SH3BP4: variants seen among roughly 807,000 people sequenced by gnomAD.
SH3BP4 encodes SH3 domain-binding protein 4.
SH3BP4 carries 33 observed loss-of-function variants against 65.5 expected under a neutral mutation model. The observed-to-expected ratio is 0.50, with a 90% CI of 0.38 to 0.67. The LOEUF is 0.67. SH3BP4 is among the 30% of genes least tolerant of loss of function. The pLI is 0.00. For synonymous variants in SH3BP4, 552 were observed against 545.5 expected, an observed-to-expected ratio of 1.01 and a Z score of -0.17; for missense variants, 1,134 against 1,261.4, an observed-to-expected ratio of 0.90 and a Z score of 1.53.
rs1053215174 is a variant in SH3BP4 at position 235,052,311 on chromosome 2, C to T, written c.2479-251C>T. On this transcript the variant is annotated intron_variant, in intron 4 of 5. Coordinates refer to ENST00000392011, the MANE Select transcript of SH3BP4 (RefSeq NM_014521.3). This position sits in a 1 kb window ranked among gnomAD's most constrained non-coding sequence, Gnocchi z 5.0. ...AAGACCCCATTTTCAAGTAAGGTCA[C>T]GTTCTGAGGTTCTGGGTGGATGTGG... Among the ~76,000 whole-genome samples the T allele has an allele frequency of 8.5e-5, 13 of 152,140 alleles. No homozygotes were observed. Among genetic ancestry groups the T allele is most frequent in the African/African-American group, 2.2e-4 (9 of 41,428 alleles).
At chr2:234,986,946 G>A (rs992526033) in intron 1 of SH3BP4, among the ~76,000 whole-genome samples, 5 of 151,696 alleles carry the variant, frequency 3.3e-5, no homozygotes, top group Non-Finnish European at 7.4e-5. Flanking sequence ...CTAATTTTTT[G>A]TATTTAGTAG....
At position 235,018,506 on chromosome 2, in the gene SH3BP4, T is replaced by C. The variant is rs1393800455; in HGVS notation, c.-132-16365T>C. Among the ~76,000 whole-genome samples, 8 of 152,172 alleles carry C rather than the reference T, an allele frequency of 5.3e-5. 1 individual carries two copies. Among genetic ancestry groups the C allele is most frequent in the Non-Finnish European group, 1.2e-4 (8 of 68,032 alleles). On this transcript the variant is annotated intron_variant, in intron 2 of 5. Coordinates refer to ENST00000392011, the MANE Select transcript of SH3BP4 (RefSeq NM_014521.3). ...GGCATAAGCTTGCCTTCAGGGAGGCTTTATTGAATAGGTAAATCATTCTTC... is the reference window on the plus strand; with the variant it reads ...GGCATAAGCTTGCCTTCAGGGAGGCCTTATTGAATAGGTAAATCATTCTTC...
intron 2 of SH3BP4, among the ~76,000 whole-genome samples, chr2:234,998,283 A>G (rs1224690684): frequency 2.6e-5 from 4 of 152,252 alleles, no homozygotes; most frequent in East Asian, 3.9e-4. Context: ...AGACTGGCCA[A>G]TGGGAATAAA....
intron 1 of SH3BP4, among the ~76,000 whole-genome samples, chr2:234,966,348 AAC>A (rs1379922328): frequency 6.6e-6 from 1 of 152,208 alleles, no homozygotes; most frequent in Non-Finnish European, 1.5e-5. Flanking sequence ...CAGCCTGGGC[AAC>A]CAGAGCGAAA....
intron 1 of SH3BP4, among the ~76,000 whole-genome samples, chr2:234,959,472 G>A (rs190562982): frequency 2.0e-5 from 3 of 152,044 alleles, no homozygotes; most frequent in African/African-American, 7.2e-5. Context: ...TGACATCTTG[G>A]CAGTAAAACT....
chr2:234,977,984 T>C lies in SH3BP4; in HGVS notation c.-206-17319T>C, dbSNP rs564570959. On this transcript the variant is annotated intron_variant, in intron 1 of 5. Transcript: ENST00000392011. This position sits in a 1 kb window ranked among gnomAD's most constrained non-coding sequence, Gnocchi z 5.1. ...TTTTTACTTTTTTTGAGACAGAGTTTGGCTCTTGTTGGCCAGGCTGGAGTG... is the reference window on the plus strand; with the variant it reads ...TTTTTACTTTTTTTGAGACAGAGTTCGGCTCTTGTTGGCCAGGCTGGAGTG... Among the ~76,000 whole-genome samples the C allele has an allele frequency of 6.6e-6, 1 of 152,190 alleles. No individual in the cohort carries two copies. The highest frequency in any genetic ancestry group is 1.5e-5 in the Non-Finnish European group (1 of 68,034).
chr2:234,968,142 A>C (rs920046480), intron 1 of SH3BP4, among the ~76,000 whole-genome samples: 1 of 152,032 alleles, frequency 6.6e-6, no homozygotes, highest in African/African-American at 2.4e-5. Context: ...CGGTGGTAGC[A>C]ATGATAATAG....
chr2:234,971,279 TC>T (rs1406425831), intron 1 of SH3BP4, among the ~76,000 whole-genome samples: 1 of 152,246 alleles, frequency 6.6e-6, no homozygotes, highest in African/African-American at 2.4e-5. Context: ...TTGGCATATT[TC>T]ACTTAGCATA....
intron 2 of SH3BP4, among the ~76,000 whole-genome samples, chr2:235,006,285 C>A (rs554340571): frequency 1.3e-5 from 2 of 152,152 alleles, no homozygotes; most frequent in Admixed American, 6.5e-5. Flanking sequence ...TTGGGCTGAG[C>A]GTGAGTGTGT....
At chr2:235,048,657 C>G (rs1298665466) in intron 4 of SH3BP4, among the ~76,000 whole-genome samples, 1 of 152,228 alleles carries the variant, frequency 6.6e-6, no homozygotes, top group East Asian at 1.9e-4. Context: ...TCTCTTGAAG[C>G]AAGTTCCCAG....
chr2:234,952,289 C>T lies in SH3BP4; in HGVS notation c.-207+119C>T, dbSNP rs908240174. On this transcript the variant is annotated intron_variant, in intron 1 of 5. Transcript: ENST00000392011. This position sits in a 1 kb window ranked among gnomAD's most constrained non-coding sequence, Gnocchi z 6.5. ...CGGGCGCAGATCGTGCCGCGGGCGC[C>T]GATCGTGCCACCGCCGCCTGAGTTC... The T allele has an allele frequency of 6.2e-3, 938 of 150,374 alleles. 7 individuals are homozygous for T. Among genetic ancestry groups the T allele is most frequent in the Non-Finnish European group, 9.6e-3 (647 of 67,314 alleles). The allele number at this position is 150,374 out of a possible 1,614,324, so 9.3% of individuals were successfully genotyped here.
chr2:234,988,153 G>A (rs1354818106), intron 1 of SH3BP4, among the ~76,000 whole-genome samples: 3 of 152,188 alleles, frequency 2.0e-5, no homozygotes, highest in Non-Finnish European at 2.9e-5. Context: ...TTCGCCTCCC[G>A]GGTTCAAGCA....
rs562373043 is a variant in SH3BP4 at position 235,049,054 on chromosome 2, G to C, written c.2479-3508G>C. The stretch of plus-strand genomic sequence containing the variant: ...ATCAGTTATGCCTTGTTGATGGTGT[G>C]GGTGGTTTGTAACAAACTAAACCAG... On this transcript the variant is annotated intron_variant, in intron 4 of 5. Coordinates refer to ENST00000392011, the MANE Select transcript of SH3BP4 (RefSeq NM_014521.3). Among the ~76,000 whole-genome samples the C allele has an allele frequency of 2.6e-5, 4 of 152,296 alleles. No homozygotes were observed. The East Asian group carries it at 7.7e-4, about 29-fold the overall frequency.
At chr2:234,983,550 A>G (rs1457276860) in intron 1 of SH3BP4, among the ~76,000 whole-genome samples, 3 of 152,330 alleles carry the variant, frequency 2.0e-5, no homozygotes, top group East Asian at 1.9e-4. Flanking sequence ...CACAAAAAAC[A>G]TATTTCTATC....
chr2:234,960,258 G>A (rs973724326), intron 1 of SH3BP4, among the ~76,000 whole-genome samples: 2 of 151,822 alleles, frequency 1.3e-5, no homozygotes, highest in Admixed American at 1.3e-4. Flanking sequence ...CTGTGGTCTG[G>A]TCTCACGTTT....
Position 235,011,639 on chromosome 2 carries a change from T to G in SH3BP4, c.-133+16263T>G, listed in dbSNP as rs559084701. Among the ~76,000 whole-genome samples, 4 of 152,350 alleles carry G rather than the reference T, an allele frequency of 2.6e-5. No homozygotes were observed. The South Asian group carries it at 8.3e-4, about 32-fold the overall frequency. On this transcript the variant is annotated intron_variant, in intron 2 of 5. Transcript: ENST00000392011. ...AACCTGCTGAGAACAGCGACAGTCT[T>G]GCTTTTCTTTGTATTCCTGGCAAAG...
chr2:234,983,598 A>C (rs533963222), intron 1 of SH3BP4, among the ~76,000 whole-genome samples: 34 of 152,330 alleles, frequency 2.2e-4, no homozygotes, highest in African/African-American at 8.2e-4. Context: ...CTTATTTGGC[A>C]AAAGGGACTT....
chr2:234,953,455 C>T (rs1352557154), intron 1 of SH3BP4, among the ~76,000 whole-genome samples: 4 of 152,194 alleles, frequency 2.6e-5, no homozygotes, highest in African/African-American at 9.6e-5. Flanking sequence ...GGCAGAATCT[C>T]TGCTGGCCAC....
intron 2 of SH3BP4, among the ~76,000 whole-genome samples, chr2:235,025,238 G>A (rs566713286): frequency 2.0e-5 from 3 of 152,224 alleles, no homozygotes; most frequent in East Asian, 1.9e-4. Flanking sequence ...GATTCTCAGC[G>A]GCAGGGTGAG....
Sources: allele counts gnomAD v4.1 joint callset (sites outside exome capture counted in the v4.1 genomes callset), GRCh38; gene constraint gnomAD v4.1.1; non-coding constraint Gnocchi (gnomAD v3.1); transcripts MANE v1.5; gene names NCBI Gene and HGNC (gene_info 2026-07-23, HGNC 2026-07-21).